Variants in GNAI3 observed in about 807,000 individuals in gnomAD.
The protein encoded by GNAI3 is guanine nucleotide-binding protein G(i) subunit alpha-3.
A neutral mutation model predicts 41.8 loss-of-function variants in GNAI3; 12 were observed. The ratio of observed to expected loss-of-function variants is 0.29; its 90% CI spans 0.18 to 0.47. The LOEUF (loss-of-function observed/expected upper bound fraction) is 0.47. Among genes scored for constraint, GNAI3 ranks in the 20% least tolerant of loss-of-function variants. The probability of loss-of-function intolerance (pLI) is 1.00; values close to 1 mark genes in which losing one functional copy is unlikely to be tolerated. For missense variants in GNAI3, 360 were observed against 429.6 expected, an observed-to-expected ratio of 0.84 and a Z score of 1.43; for synonymous variants, 132 against 146.5, an observed-to-expected ratio of 0.90 and a Z score of 0.71.
intron 4 of GNAI3, among the ~76,000 whole-genome samples, chr1:109,580,148 C>T (rs1234247269): frequency 2.0e-5 from 3 of 152,122 alleles, no homozygotes; most frequent in Admixed American, 6.5e-5. Flanking sequence ...ACTACAGGCG[C>T]CCGCCACCAT....
intron 1 of GNAI3, among the ~76,000 whole-genome samples, chr1:109,553,873 C>T (rs567450226): frequency 1.3e-4 from 20 of 152,256 alleles, no homozygotes; most frequent in African/African-American, 2.9e-4. Flanking sequence ...CCCTTTCCCC[C>T]GAGTCCCCAA....
At chr1:109,575,534 C>CTTTTTTTTTTTTTTTTTTTT (rs747890363) in intron 3 of GNAI3, among the ~76,000 whole-genome samples, 2 of 52,854 alleles carry the variant, frequency 3.8e-5, no homozygotes, top group African/African-American at 1.6e-4. Flanking sequence ...CCTTTCATTT[C>CTTTTTTTTTTTTTTTTTTTT]TTTTTTTTTT....
At chr1:109,582,229 G>A (rs1400199904) in intron 4 of GNAI3, among the ~76,000 whole-genome samples, 1 of 152,048 alleles carries the variant, frequency 6.6e-6, no homozygotes, top group Non-Finnish European at 1.5e-5. Flanking sequence ...GGCCTCAAGC[G>A]ACCTTCCTGC....
At position 109,597,742 on chromosome 1, in the gene GNAI3, G is replaced by A. The variant is rs1020130748; in HGVS notation, c.*5420G>A. On this transcript the variant is annotated 3_prime_UTR_variant, in exon 9 of 9. Transcript: ENST00000369851. ...CATTTATTTTACTGCATTTATTTAT[G>A]CAGTGAAAATTGAAAGATACACCAA... The A allele has an allele frequency of 6.6e-6, 1 of 152,144 alleles. No homozygotes were observed. The highest frequency in any genetic ancestry group is 2.4e-5 in the African/African-American group (1 of 41,422). 9.4% of individuals were successfully genotyped at this position (152,144 alleles called of 1,614,324 possible). A position where few individuals can be genotyped will look rare whatever the true frequency, so the allele number is the denominator to read the frequency against.
intron 7 of GNAI3, among the ~76,000 whole-genome samples, chr1:109,590,804 G>A (rs1019932072): frequency 2.0e-5 from 3 of 152,038 alleles, no homozygotes; most frequent in Non-Finnish European, 2.9e-5. Flanking sequence ...GACCTCAAGC[G>A]ATCCACCTGC....
chr1:109,592,700 A>G lies in GNAI3; in HGVS notation c.*378A>G, dbSNP rs1649201986. On this transcript the variant is annotated 3_prime_UTR_variant, in exon 9 of 9. Transcript: ENST00000369851. The stretch of plus-strand genomic sequence containing the variant: ...TCATTTTTAAGGTTTTTTCATCAAG[A>G]GAAGAATAACTTTACTAAATTTTAT... 1 of 153,044 alleles carries G rather than the reference A, an allele frequency of 6.5e-6. No homozygotes were observed. The highest frequency in any genetic ancestry group is 1.5e-5 in the Non-Finnish European group (1 of 68,336). 9.5% of individuals were successfully genotyped at this position (153,044 alleles called of 1,614,324 possible).
Position 109,573,980 on chromosome 1 carries a change from T to C in GNAI3, c.246T>C (p.Ile82=). ...ACAGCAATACTATACAGTCCATCAT[T>C]GCAATCATAAGAGCCATGGGACGGC... is the stretch of plus-strand genomic sequence containing the variant. ...VVYSNTIQSI[I]AIIRAMGRLK... Residue 82 remains isoleucine, a synonymous_variant, in exon 3 of 9, where the codon ATT becomes ATC. Transcript: ENST00000369851. 4 of 1,611,132 alleles carry C rather than the reference T, an allele frequency of 2.5e-6. No homozygotes were observed. The highest frequency in any genetic ancestry group is 3.4e-6 in the Non-Finnish European group (4 of 1,177,398).
intron 1 of GNAI3, among the ~76,000 whole-genome samples, chr1:109,561,915 A>G (rs1451877534): frequency 1.3e-5 from 2 of 152,348 alleles, no homozygotes; most frequent in South Asian, 2.1e-4. Context: ...GCATATCCAG[A>G]CAAAGGGAAT....
chr1:109,595,857 A>T lies in GNAI3; in HGVS notation c.*3535A>T, dbSNP rs535784532. The T allele has an allele frequency of 4.9e-4, 74 of 151,442 alleles. No individual in the cohort carries two copies. Among genetic ancestry groups the T allele is most frequent in the African/African-American group, 1.7e-3 (72 of 41,244 alleles). The allele number at this position is 151,442 out of a possible 1,614,324, so 9.4% of individuals were successfully genotyped here. A position where few individuals can be genotyped will look rare whatever the true frequency, so the allele number is the denominator to read the frequency against. The stretch of plus-strand genomic sequence containing the variant: ...AAAAAAAAAAAATAAGCAACCCTCT[A>T]CTCATTTGTATAAACCTAAAACGTC... On this transcript the variant is annotated 3_prime_UTR_variant, in exon 9 of 9. Transcript: ENST00000369851.
At chr1:109,585,077 A>G (rs1648999758) in intron 5 of GNAI3, among the ~76,000 whole-genome samples, 1 of 152,210 alleles carries the variant, frequency 6.6e-6, no homozygotes, top group Non-Finnish European at 1.5e-5. Flanking sequence ...ATTTCTTTCA[A>G]TTTCTGGGGG....
rs1017449330 is a variant in GNAI3 at position 109,564,278 on chromosome 1, A to AT, written c.119-9451dup. 4.0e-5 allele frequency among the ~76,000 whole-genome samples: 6 copies of AT among 148,740 alleles called. No individual in the cohort carries two copies. The East Asian group carries it at 5.9e-4, about 15-fold the overall frequency. ...ATTTCTGCCTTTATTTTATTTATTT[A>AT]TTTTTTTTGCTTTCTTACCTTTGCT... is the stretch of plus-strand genomic sequence containing the variant. On this transcript the variant is annotated intron_variant, in intron 1 of 8. Coordinates refer to ENST00000369851, the MANE Select transcript of GNAI3 (RefSeq NM_006496.4).
intron 3 of GNAI3, among the ~76,000 whole-genome samples, chr1:109,575,370 C>T (rs1460562445): frequency 6.6e-6 from 1 of 151,734 alleles, no homozygotes; most frequent in East Asian, 1.9e-4. Context: ...TTTGTTGTAT[C>T]TGGTAACTGG....
intron 3 of GNAI3, among the ~76,000 whole-genome samples, chr1:109,577,443 A>T (rs989030951): frequency 1.3e-5 from 2 of 151,644 alleles, no homozygotes; most frequent in African/African-American, 4.8e-5. Context: ...TGCCCAGCTA[A>T]TTTTTGTATT....
intron 3 of GNAI3, among the ~76,000 whole-genome samples, chr1:109,577,278 G>GTTTTTTTTTTTTTTTTTTTGT (rs10690094): frequency 8.0e-6 from 1 of 125,368 alleles, no homozygotes. Context: ...TGTTTTTTTT[G>GTTTTTTTTTTTTTTTTTTTGT]TTTTTTTTTT....
At position 109,548,648 on chromosome 1, in the gene GNAI3, G is replaced by C; in HGVS notation, c.-73G>C. ...GGGCCACCGCCCAGCAATAGACGGT[G>C]CCTCAGCCTGCCGAGCCGCAGTTTC... On this transcript the variant is annotated 5_prime_UTR_variant, in exon 1 of 9. Transcript: ENST00000369851. 1 of 1,010,256 alleles carries C rather than the reference G, an allele frequency of 9.9e-7. No homozygotes were observed. The highest frequency in any genetic ancestry group is 1.8e-5 in the Admixed American group (1 of 54,436). 62.6% of individuals were successfully genotyped at this position (1,010,256 alleles called of 1,614,324 possible). A position where few individuals can be genotyped will look rare whatever the true frequency, so the allele number is the denominator to read the frequency against.
intron 3 of GNAI3, among the ~76,000 whole-genome samples, chr1:109,577,137 G>T (rs970427225): frequency 3.3e-5 from 5 of 151,686 alleles, no homozygotes; most frequent in Non-Finnish European, 5.9e-5. Context: ...ACCATACCTT[G>T]CATATGTACA....
intron 1 of GNAI3, among the ~76,000 whole-genome samples, chr1:109,559,869 G>A (rs1648262565): frequency 6.6e-6 from 1 of 152,172 alleles, no homozygotes; most frequent in South Asian, 2.1e-4. Context: ...GAATAACATA[G>A]TGTTAGGATC....
chr1:109,551,581 T>A (rs1254861772), intron 1 of GNAI3, among the ~76,000 whole-genome samples: 1 of 152,172 alleles, frequency 6.6e-6, no homozygotes, highest in Non-Finnish European at 1.5e-5. Flanking sequence ...GAAAGTTAAT[T>A]TCTCTTGGCC....
chr1:109,592,118 A>G lies in GNAI3; in HGVS notation c.950A>G (p.Lys317Arg), dbSNP rs1010572885. The G allele has an allele frequency of 6.2e-7, 1 of 1,612,054 alleles. No individual in the cohort carries two copies. The highest frequency in any genetic ancestry group is 1.7e-4 in the Middle Eastern group (1 of 6,056). ...GATCTGAACAGAAGAAAAGATACCA[A>G]GGAGATCTATACTCACTTCACCTGT... ...FEDLNRRKDT[K>R]EIYTHFTCAT... is the part of the protein sequence containing the mutation. Residue 317 changes from lysine to arginine, a missense_variant, in exon 8 of 9, where the codon AAG (lysine) becomes AGG (arginine). Lys to Arg is a conservative substitution (Grantham distance 26). Transcript: ENST00000369851.
Sources: allele counts gnomAD v4.1 joint callset (sites outside exome capture counted in the v4.1 genomes callset), GRCh38; gene constraint gnomAD v4.1.1; transcripts MANE v1.5; gene names NCBI Gene and HGNC (gene_info 2026-07-23, HGNC 2026-07-21).